Variants in CSNK2B observed in about 807,000 individuals in gnomAD.
CSNK2B encodes the protein casein kinase 2 beta.
CSNK2B carries 2 observed loss-of-function variants against 28.8 expected under a neutral mutation model. The ratio of observed to expected loss-of-function variants is 0.07; its 90% CI spans 0.03 to 0.22. CSNK2B has a LOEUF of 0.22. CSNK2B is among the 10% of genes least tolerant of loss of function. CSNK2B has a pLI of 1.00. For missense variants in CSNK2B, 107 were observed against 277.9 expected (o/e 0.39, Z 4.37); for synonymous variants, 89 against 96.1 (o/e 0.93, Z 0.43).
rs565785708 is a variant in CSNK2B at position 31,669,226 on chromosome 6, A to G, written c.367+54A>G. The G allele has an allele frequency of 1.2e-6, 2 of 1,603,276 alleles. No individual in the cohort carries two copies. Among genetic ancestry groups the G allele is most frequent in the African/African-American group, 1.3e-5 (1 of 74,802 alleles). The stretch of plus-strand genomic sequence containing the variant: ...ACCGTGTGGCAGTCTTATGGGAAGG[A>G]GTTGGGGCTCAACACATTGGAGCCT... On this transcript the variant is annotated intron_variant, in intron 5 of 6. Transcript: ENST00000375882. This position sits in a 1 kb window ranked among gnomAD's most constrained non-coding sequence, Gnocchi z 4.8.
Position 31,668,519 on chromosome 6 carries a change from T to G in CSNK2B, c.176-20T>G, listed in dbSNP as rs1396024298. ...AAAGCTGAAAAACAAGTAGTTGCATTTGGCCGGGCTGTGTTTCAGATGAAG... is the reference window on the plus strand; with the variant it reads ...AAAGCTGAAAAACAAGTAGTTGCATGTGGCCGGGCTGTGTTTCAGATGAAG... On this transcript the variant is annotated intron_variant, in intron 3 of 6. Coordinates refer to ENST00000375882, the MANE Select transcript of CSNK2B (RefSeq NM_001320.7). 2 of 1,608,362 alleles carry G rather than the reference T, an allele frequency of 1.2e-6. No homozygotes were observed. The highest frequency in any genetic ancestry group is 3.3e-5 in the Admixed American group (2 of 59,950).
Position 31,669,965 on chromosome 6 carries a change from T to A in CSNK2B, c.*39T>A. 1 of 1,563,556 alleles carries A rather than the reference T, an allele frequency of 6.4e-7. No individual in the cohort carries two copies. Among genetic ancestry groups the A allele is most frequent in the African/African-American group, 1.4e-5 (1 of 73,374 alleles). On this transcript the variant is annotated 3_prime_UTR_variant, in exon 7 of 7. Coordinates refer to ENST00000375882, the MANE Select transcript of CSNK2B (RefSeq NM_001320.7). The surrounding 1 kb of genome is among the most constrained non-coding windows in gnomAD (Gnocchi z 4.8). ...CTGTCCTGCAGTCTTTGACTTTTCC[T>A]TTCTTTTTTGCCACCCTTTCAGGAA...
rs138850946 is a variant in CSNK2B at position 31,668,616 on chromosome 6, G to T, written c.253G>T (p.Ala85Ser). ...CGAGATGCTTTATGGATTGATCCAC[G>T]CCCGCTACATCCTTACCAACCGTGG... The part of the protein sequence containing the change: ...AAEMLYGLIH[A>S]RYILTNRGIA... The change falls in exon 4 of 7, where the codon GCC becomes TCC. Residue 85 changes from alanine (A) to serine (S), a missense_variant. Ala to Ser is a moderately conservative substitution (Grantham distance 99). Transcript: ENST00000375882. 3 of 1,613,052 alleles carry T rather than the reference G, an allele frequency of 1.9e-6. No individual in the cohort carries two copies. Among genetic ancestry groups the T allele is most frequent in the African/African-American group, 1.3e-5 (1 of 75,028 alleles).
chr6:31,668,149 G>T, intron 3 of CSNK2B, 179 bp downstream of exon 3: 4 of 658,660 alleles, frequency 6.1e-6, no homozygotes, highest in Non-Finnish European at 1.1e-5. Context: ...TATATCACTT[G>T]TTCTCATGTT....
chr6:31,668,948 CAG>C (rs1801986998), intron 4 of CSNK2B, 147 bp from the exon 5 acceptor site: 1 of 639,684 alleles, frequency 1.6e-6, no homozygotes, highest in African/African-American at 1.8e-5. Flanking sequence ...AAAGGCAACA[CAG>C]AAGTTTGAGA....
Position 31,666,100 on chromosome 6 carries a change from C to A in CSNK2B, c.-120C>A. 1.0e-6 allele frequency: 1 copy of A among 993,974 alleles called. No homozygotes were observed. The allele number at this position is 993,974 out of a possible 1,614,324, so 61.6% of individuals were successfully genotyped here. A position where few individuals can be genotyped will look rare whatever the true frequency, so the allele number is the denominator to read the frequency against. On this transcript the variant is annotated 5_prime_UTR_variant, in exon 1 of 7. Transcript: ENST00000375882. ...TCCCTAATTTCCACTCCCCCCACCCCACTTCGCCTGCCGCGGTCGGGTCCG... is the reference window on the plus strand; with the variant it reads ...TCCCTAATTTCCACTCCCCCCACCCAACTTCGCCTGCCGCGGTCGGGTCCG...
chr6:31,667,102 C>T, intron 2 of CSNK2B, 199 bp downstream of exon 2: 1 of 701,124 alleles, frequency 1.4e-6, no homozygotes, highest in Non-Finnish European at 2.6e-6. Flanking sequence ...TGCCACCGTC[C>T]AGCAATATAA....
intron 2 of CSNK2B, chr6:31,667,127 A>T: frequency 1.4e-6 from 1 of 693,464 alleles, no homozygotes; most frequent in Non-Finnish European, 2.6e-6. Flanking sequence ...GGGCTAGTCA[A>T]TTTGTGTCTT....
chr6:31,667,135 C>T (rs770069545), intron 2 of CSNK2B: 2 of 685,982 alleles, frequency 2.9e-6, no homozygotes, highest in Non-Finnish European at 5.3e-6. Flanking sequence ...CAATTTGTGT[C>T]TTTTTCTTTT....
Position 31,669,383 on chromosome 6 carries a change from C to G in CSNK2B, c.432C>G (p.Tyr144Ter). ...ACTGCCCCAAGTGCATGGATGTGTA[C>G]ACACCCAAGTCATCAAGACACCATC... Reference protein sequence around the residue: ...KLYCPKCMDVYTPKSSRHHHT... With the variant: ...KLYCPKCMDV The change falls in exon 6 of 7, where the codon TAC becomes TAG. Residue 144 changes from tyrosine to a stop codon, truncating the protein, a stop_gained. Coordinates refer to ENST00000375882, the MANE Select transcript of CSNK2B (RefSeq NM_001320.7). LOFTEE classifies it high-confidence loss of function. The surrounding 1 kb of genome is among the most constrained non-coding windows in gnomAD (Gnocchi z 4.8). 1 of 1,614,202 alleles carries G rather than the reference C, an allele frequency of 6.2e-7. No homozygotes were observed. The highest frequency in any genetic ancestry group is 8.5e-7 in the Non-Finnish European group (1 of 1,180,038).
rs1802011838 is a variant in CSNK2B, at chr6:31,669,228, T to C, written c.367+56T>C. 1.9e-6 allele frequency: 3 copies of C among 1,601,440 alleles called. No individual in the cohort carries two copies. Among genetic ancestry groups the C allele is most frequent in the East Asian group, 2.2e-5 (1 of 44,626 alleles). ...CGTGTGGCAGTCTTATGGGAAGGAG[T>C]TGGGGCTCAACACATTGGAGCCTGA... On this transcript the variant is annotated intron_variant, in intron 5 of 6. Coordinates refer to ENST00000375882, the MANE Select transcript of CSNK2B (RefSeq NM_001320.7). This position sits in a 1 kb window ranked among gnomAD's most constrained non-coding sequence, Gnocchi z 4.8.
At chr6:31,668,770 AC>A in intron 4 of CSNK2B, 116 bp downstream of exon 4, 1 of 929,642 alleles carries the variant, frequency 1.1e-6, no homozygotes, top group Non-Finnish European at 1.7e-6. Context: ...GAGGGGAAGA[AC>A]CCCAGAACTT....
At position 31,669,246 on chromosome 6, in the gene CSNK2B, G is replaced by C. The variant is rs1562052335; in HGVS notation, c.368-73G>C. The C allele has an allele frequency of 1.2e-6, 2 of 1,601,746 alleles. No individual in the cohort carries two copies. The highest frequency in any genetic ancestry group is 2.2e-5 in the South Asian group (2 of 90,824). ...GAAGGAGTTGGGGCTCAACACATTGGAGCCTGAGTCCTGAGGGGAGGTTAG... is the reference window on the plus strand; with the variant it reads ...GAAGGAGTTGGGGCTCAACACATTGCAGCCTGAGTCCTGAGGGGAGGTTAG... On this transcript the variant is annotated intron_variant, in intron 5 of 6. Coordinates refer to ENST00000375882, the MANE Select transcript of CSNK2B (RefSeq NM_001320.7). This position sits in a 1 kb window ranked among gnomAD's most constrained non-coding sequence, Gnocchi z 4.8.
At chr6:31,668,773 C>T in intron 4 of CSNK2B, 119 bp downstream of exon 4, 1 of 908,136 alleles carries the variant, frequency 1.1e-6, no homozygotes, top group Non-Finnish European at 1.7e-6. Context: ...GGGAAGAACC[C>T]CAGAACTTGG....
At position 31,666,227 on chromosome 6, in the gene CSNK2B, C is replaced by G; in HGVS notation, c.-12+19C>G. ...CCAGCCGGTGAGTCTGAAGTCGTCG[C>G]TGCTCCGAGTCCCTTGTCGCTGGGA... On this transcript the variant is annotated intron_variant, in intron 1 of 6. Transcript: ENST00000375882. The G allele has an allele frequency of 1.0e-6, 1 of 984,782 alleles. No homozygotes were observed. Among genetic ancestry groups the G allele is most frequent in the East Asian group, 1.1e-4 (1 of 8,960 alleles). 61.0% of individuals were successfully genotyped at this position (984,782 alleles called of 1,614,324 possible).
intron 4 of CSNK2B, 39 bp downstream of exon 4, chr6:31,668,693 G>A: frequency 6.4e-7 from 1 of 1,558,436 alleles, no homozygotes; most frequent in Non-Finnish European, 8.8e-7. Flanking sequence ...CTTCTGAGCA[G>A]TAAGAGACAC....
chr6:31,666,781 AAGG>A, intron 1 of CSNK2B, 37 bp from the exon 2 acceptor site: 1 of 1,523,704 alleles, frequency 6.6e-7, no homozygotes. Flanking sequence ...AGAGGCAGGG[AAGG>A]AGAACTTGAG....
Position 31,666,178 on chromosome 6 carries a change from C to T in CSNK2B, c.-42C>T, listed in dbSNP as rs1278461399. ...TTCCCTGGAAGTAGCAACTTCCCTACCCCACCCCAGTCCTGGTCCCCGTCC... is the reference window on the plus strand; with the variant it reads ...TTCCCTGGAAGTAGCAACTTCCCTATCCCACCCCAGTCCTGGTCCCCGTCC... On this transcript the variant is annotated 5_prime_UTR_variant, in exon 1 of 7. Coordinates refer to ENST00000375882, the MANE Select transcript of CSNK2B (RefSeq NM_001320.7). 1 of 993,132 alleles carries T rather than the reference C, an allele frequency of 1.0e-6. No homozygotes were observed. Among genetic ancestry groups the T allele is most frequent in the Non-Finnish European group, 1.2e-6 (1 of 833,562 alleles). 61.5% of individuals were successfully genotyped at this position (993,132 alleles called of 1,614,324 possible).
At chr6:31,668,135 GACGTATATC>G (rs1376720060) in intron 3 of CSNK2B, 165 bp downstream of exon 3, 1 of 687,514 alleles carries the variant, frequency 1.5e-6, no homozygotes, top group Non-Finnish European at 2.6e-6. Context: ...CTAGTTTTGT[GACGTATATC>G]ACTTGTTCTC....
Sources: allele counts gnomAD v4.1 joint callset, GRCh38; gene constraint gnomAD v4.1.1; non-coding constraint Gnocchi (gnomAD v3.1); transcripts MANE v1.5; gene names NCBI Gene and HGNC (gene_info 2026-07-23, HGNC 2026-07-21).